TSPEAR: variants seen among roughly 807,000 people sequenced by gnomAD.
TSPEAR encodes thrombospondin type laminin G domain and EAR repeats, also known as thrombospondin-type laminin G domain and EAR repeat-containing protein.
In TSPEAR, 69 loss-of-function variants were observed where a neutral mutation model predicts 71.6. The observed-to-expected ratio is 0.96, with a 90% CI of 0.79 to 1.18. The LOEUF (loss-of-function observed/expected upper bound fraction) is 1.18, where lower values mean the gene tolerates loss of function less well. TSPEAR is among the 50% of genes most tolerant of loss of function. The pLI, the probability that TSPEAR is intolerant of heterozygous loss-of-function variation, is 0.00. For missense variants in TSPEAR, 971 were observed against 894.9 expected, an observed-to-expected ratio of 1.09 and a Z score of -1.09; for synonymous variants, 402 against 387.2, an observed-to-expected ratio of 1.04 and a Z score of -0.45.
chr21:44,624,604 T>C (rs1982649752), intron 1 of TSPEAR, among the ~76,000 whole-genome samples: 1 of 152,230 alleles, frequency 6.6e-6, no homozygotes, highest in African/African-American at 2.4e-5. Context: ...TGGGCTTCAT[T>C]CTTCTTTCCG....
At chr21:44,542,687 A>G (rs1354124444) in intron 2 of TSPEAR, among the ~76,000 whole-genome samples, 3 of 149,690 alleles carry the variant, frequency 2.0e-5, no homozygotes, top group Non-Finnish European at 4.4e-5. Context: ...TAGAGGCTGC[A>G]GTGAGCCAAG....
At chr21:44,666,997 C>A (rs782165887) in intron 1 of TSPEAR, 57 of 1,212,922 alleles carry the variant, frequency 4.7e-5, no homozygotes, top group Non-Finnish European at 6.4e-5. Flanking sequence ...CAGAAGCACA[C>A]CTGTCTTCCT....
chr21:44,689,505 T>TAA (rs797025291), intron 1 of TSPEAR, among the ~76,000 whole-genome samples: 17 of 117,422 alleles, frequency 1.4e-4, no homozygotes, highest in African/African-American at 5.4e-4. Context: ...CCATCTCGAA[T>TAA]AAAAAAAAAA....
At chr21:44,601,579 G>C (rs369720) in intron 1 of TSPEAR, 22 of 1,613,108 alleles carry the variant, frequency 1.4e-5, no homozygotes, top group Non-Finnish European at 1.9e-5. Flanking sequence ...GTGCAGGCCC[G>C]CCTGCTGCGT....
chr21:44,514,591 T>C (rs1321503291), intron 9 of TSPEAR, among the ~76,000 whole-genome samples: 1 of 152,164 alleles, frequency 6.6e-6, no homozygotes, highest in African/African-American at 2.4e-5. Flanking sequence ...CAAACTCACT[T>C]AGAAGCCAAA....
At chr21:44,530,359 T>G (rs1287418429) in intron 4 of TSPEAR, among the ~76,000 whole-genome samples, 7 of 151,850 alleles carry the variant, frequency 4.6e-5, no homozygotes, top group African/African-American at 1.7e-4. Context: ...CATTCATCCA[T>G]CCATCCACCC....
intron 2 of TSPEAR, chr21:44,539,596 C>T (rs782612756): frequency 1.2e-6 from 2 of 1,613,664 alleles, no homozygotes; most frequent in East Asian, 4.5e-5. Flanking sequence ...AACGGACGGG[C>T]ACGCAGCAGG....
rs782037159 is a variant in TSPEAR at position 44,637,757 on chromosome 21, T to G, written c.83-69752A>C. 6.3e-5 allele frequency: 85 copies of G among 1,338,986 alleles called. No homozygotes were observed. Among genetic ancestry groups the G allele is most frequent in the Non-Finnish European group, 8.4e-5 (82 of 979,168 alleles). The allele number at this position is 1,338,986 out of a possible 1,614,324, so 82.9% of individuals were successfully genotyped here. A position where few individuals can be genotyped will look rare whatever the true frequency, so the allele number is the denominator to read the frequency against. ...CGTGCCCGTCTGTAACAAGCCTGTG[T>G]GCTTCGTGCCTACCTGCTCCGAGTC... On this transcript the variant is annotated intron_variant, in intron 1 of 11. Transcript: ENST00000323084.
chr21:44,528,747 G>A (rs1234116228), intron 5 of TSPEAR, among the ~76,000 whole-genome samples, 164 bp from the exon 6 acceptor site: 6 of 152,224 alleles, frequency 3.9e-5, no homozygotes, highest in African/African-American at 9.6e-5. Flanking sequence ...CATCACAGAC[G>A]GGGAATTGAG....
chr21:44,515,136 T>C (rs979795568), intron 9 of TSPEAR, among the ~76,000 whole-genome samples: 96 of 152,190 alleles, frequency 6.3e-4, no homozygotes, highest in Non-Finnish European at 1.5e-4. Context: ...TGAAAGACAT[T>C]GCAAAACTCA....
rs782619753 is a variant in TSPEAR, at chr21:44,612,121, C to T, written c.83-44116G>A. The T allele has an allele frequency of 2.1e-5, 34 of 1,613,804 alleles. No individual in the cohort carries two copies. Among genetic ancestry groups the T allele is most frequent in the Non-Finnish European group, 2.9e-5 (34 of 1,179,928 alleles). On this transcript the variant is annotated intron_variant, in intron 1 of 11. Coordinates refer to ENST00000323084, the MANE Select transcript of TSPEAR (RefSeq NM_144991.3). This position sits in a 1 kb window ranked among gnomAD's most constrained non-coding sequence, Gnocchi z 4.1. Reference sequence around the variant, plus strand: ...CCACCATGGCTGACGCCTGCTGCACCAGGACGTATGTGATTGCTGCATCCA... The same window carrying T: ...CCACCATGGCTGACGCCTGCTGCACTAGGACGTATGTGATTGCTGCATCCA...
At chr21:44,507,857 C>A (rs2145918220) in intron 10 of TSPEAR, among the ~76,000 whole-genome samples, 1 of 152,096 alleles carries the variant, frequency 6.6e-6, no homozygotes, top group South Asian at 2.1e-4. Flanking sequence ...GTTTCTCCTG[C>A]CATGGCTGCC....
chr21:44,567,317 G>T (rs1196214144), intron 2 of TSPEAR, among the ~76,000 whole-genome samples: 1 of 150,760 alleles, frequency 6.6e-6, no homozygotes, highest in Non-Finnish European at 1.5e-5. Context: ...CTGCTGCACA[G>T]ATATGACGTG....
chr21:44,606,839 G>A (rs1340873374), intron 1 of TSPEAR, among the ~76,000 whole-genome samples: 1 of 152,154 alleles, frequency 6.6e-6, no homozygotes, highest in African/African-American at 2.4e-5. Flanking sequence ...AGAGCAGAAA[G>A]GTGGTTACCA....
At chr21:44,671,099 C>T (rs188632420) in intron 1 of TSPEAR, among the ~76,000 whole-genome samples, 31 of 152,358 alleles carry the variant, frequency 2.0e-4, no homozygotes, top group Non-Finnish European at 3.8e-4. Context: ...TCTACCAATG[C>T]CAGCCATCTA....
intron 1 of TSPEAR, among the ~76,000 whole-genome samples, chr21:44,704,684 A>T (rs901767718): frequency 2.0e-5 from 3 of 152,148 alleles, no homozygotes; most frequent in Non-Finnish European, 4.4e-5. Flanking sequence ...AAATTTCCAG[A>T]AGTCTACCAC....
At chr21:44,532,028 T>C (rs781905211) in intron 3 of TSPEAR, among the ~76,000 whole-genome samples, 2 of 152,368 alleles carry the variant, frequency 1.3e-5, no homozygotes, top group Admixed American at 6.5e-5. Context: ...CCTGCCCTGC[T>C]GTCCCAGAAA....
At chr21:44,537,472 T>C (rs587620485) in intron 2 of TSPEAR, among the ~76,000 whole-genome samples, 4 of 152,238 alleles carry the variant, frequency 2.6e-5, no homozygotes, top group Admixed American at 6.5e-5. Flanking sequence ...AAGAGATGAA[T>C]AGAACAAAAT....
At chr21:44,707,362 C>A (rs561497331) in intron 1 of TSPEAR, among the ~76,000 whole-genome samples, 22 of 151,240 alleles carry the variant, frequency 1.5e-4, no homozygotes, top group African/African-American at 5.1e-4. Context: ...GTGGCAGAGG[C>A]GGAGGCCGAG....
Sources: gnomAD v4.1 joint callset for allele counts (sites outside exome capture counted in the v4.1 genomes callset) on GRCh38, gnomAD v4.1.1 for gene constraint, Gnocchi (gnomAD v3.1) non-coding constraint, MANE v1.5 for transcripts, NCBI Gene and HGNC (gene_info 2026-07-23, HGNC 2026-07-21) for gene names.